The following PARP14 variants were observed in gnomAD, a reference collection of about 807,000 sequenced individuals.
PARP14 encodes poly(ADP-ribose) polymerase family member 14.
In PARP14, 59 loss-of-function variants were observed where a neutral mutation model predicts 154.2. That is an observed-to-expected ratio of 0.38 (90% CI 0.31 to 0.48). PARP14 has a LOEUF of 0.48. PARP14 is among the 20% of genes least tolerant of loss of function. PARP14 has a pLI of 0.98. For synonymous variants in PARP14, 720 were observed against 780.5 expected (o/e 0.92, Z 1.29); for missense variants, 1,734 against 2,131.6 (o/e 0.81, Z 3.67).
rs779817181 is a variant in PARP14, at chr3:122,680,854, C to T, written c.-30C>T. Reference sequence around the variant, plus strand: ...TTAGCGGCCCGGAGTTGGCGCGGCCCCTGCAGTCCGGCGGAGAGCGGAGCT... The same window carrying T: ...TTAGCGGCCCGGAGTTGGCGCGGCCTCTGCAGTCCGGCGGAGAGCGGAGCT... On this transcript the variant is annotated 5_prime_UTR_variant, in exon 1 of 17. Coordinates refer to ENST00000474629, the MANE Select transcript of PARP14 (RefSeq NM_017554.3). The T allele has an allele frequency of 4.5e-6, 7 of 1,558,780 alleles. No homozygotes were observed. Among genetic ancestry groups the T allele is most frequent in the African/African-American group, 2.7e-5 (2 of 73,052 alleles).
At position 122,708,209 on chromosome 3, in the gene PARP14, C is replaced by A; in HGVS notation, c.3560C>A (p.Ala1187Asp). Reference protein sequence around the residue: ...ENIQAFSDEFARRANGNLVSD... With the variant: ...ENIQAFSDEFDRRANGNLVSD... ...TTTCAGGCATTTTCAGATGAATTTG[C>A]CAGAAGGGCTAATGGAAATCTCGTC... The change falls in exon 9 of 17, where the codon GCC becomes GAC. Residue 1187 changes from alanine (A) to aspartate (D), a missense_variant. This residue lies in a region of PARP14 where 1,646 missense variants were observed against 1,976.0 expected (regional missense o/e 0.83). Transcript: ENST00000474629. 6.4e-7 allele frequency: 1 copy of A among 1,565,258 alleles called. No homozygotes were observed. Among genetic ancestry groups the A allele is most frequent in the Non-Finnish European group, 8.7e-7 (1 of 1,150,252 alleles).
chr3:122,715,647 T>TATC (rs1932979110), intron 12 of PARP14, among the ~76,000 whole-genome samples: 1 of 146,980 alleles, frequency 6.8e-6, no homozygotes, highest in African/African-American at 2.5e-5. Context: ...TCTATCTATC[T>TATC]ATCTATCGAT....
Position 122,718,896 on chromosome 3 carries a change from C to T in PARP14, c.4745C>T (p.Thr1582Ile). Residue 1582 changes from threonine (T) to isoleucine (I), a missense_variant, in exon 14 of 17, where the codon ACA becomes ATA. Around this residue, in one of 2 missense-constraint regions of PARP14, gnomAD observed 1,646 missense variants for 1,976.0 expected, o/e 0.83. Coordinates refer to ENST00000474629, the MANE Select transcript of PARP14 (RefSeq NM_017554.3). ...NHRHYTVNLN[T>I]YTATDTKGHS... ...CGGCACTACACAGTGAACTTGAACA[C>T]ATACACTGCCACAGACACAAAGGGC... 6.2e-7 allele frequency: 1 copy of T among 1,613,470 alleles called. No individual in the cohort carries two copies. The highest frequency in any genetic ancestry group is 8.5e-7 in the Non-Finnish European group (1 of 1,179,588).
rs573974503 is a variant in PARP14, at chr3:122,700,534, G to A, written c.1980G>A (p.Leu660=). The A allele has an allele frequency of 7.5e-6, 12 of 1,600,082 alleles. No homozygotes were observed. In the East Asian group the frequency reaches 9.0e-5, roughly 12 times the overall value. The change falls in exon 6 of 17, where the codon TTG becomes TTA. Residue 660 remains leucine, a synonymous_variant. Transcript: ENST00000474629. The part of the protein sequence containing the change: ...CVKEVNETYK[L]LFNFVEQNMK... ...AAGAAGTAAATGAAACCTATAAATTGCTTTTTAACTTCGTTGAACAAAACA... is the reference window on the plus strand; with the variant it reads ...AAGAAGTAAATGAAACCTATAAATTACTTTTTAACTTCGTTGAACAAAACA...
chr3:122,699,381 C>T lies in PARP14; in HGVS notation c.836-9C>T, dbSNP rs754573900. 2.6e-6 allele frequency: 4 copies of T among 1,552,384 alleles called. No homozygotes were observed. The highest frequency in any genetic ancestry group is 3.5e-6 in the Non-Finnish European group (4 of 1,141,480). ...TGGGCTTACATTATTTTACTTCTTT[C>T]CTTTTAAGTGTTAGACACCATCATG... is the stretch of plus-strand genomic sequence containing the variant. On this transcript the variant is annotated splice_polypyrimidine_tract_variant and intron_variant, in intron 5 of 16. Transcript: ENST00000474629.
chr3:122,716,307 GA>G (rs1383546548), intron 12 of PARP14, among the ~76,000 whole-genome samples: 5 of 152,088 alleles, frequency 3.3e-5, no homozygotes, highest in African/African-American at 1.2e-4. Context: ...CCAATCACGT[GA>G]AAAACATCAC....
intron 9 of PARP14, among the ~76,000 whole-genome samples, chr3:122,712,693 A>G (rs1053067499): frequency 1.3e-5 from 2 of 151,992 alleles, no homozygotes; most frequent in Admixed American, 1.3e-4. Context: ...AGCTGGGACT[A>G]CAGTTGTGCA....
At chr3:122,706,159 C>G (rs896358583) in intron 8 of PARP14, among the ~76,000 whole-genome samples, 1 of 152,188 alleles carries the variant, frequency 6.6e-6, no homozygotes, top group Non-Finnish European at 1.5e-5. Flanking sequence ...CCTCAGCATT[C>G]ATTTTCTTTC....
chr3:122,709,468 G>A (rs1560072258), intron 9 of PARP14, among the ~76,000 whole-genome samples: 1 of 152,146 alleles, frequency 6.6e-6, no homozygotes, highest in African/African-American at 2.4e-5. Context: ...TGGACACTTA[G>A]GTTGGTTCCA....
intron 15 of PARP14, 133 bp downstream of exon 15, chr3:122,720,521 T>C: frequency 2.5e-6 from 2 of 797,666 alleles, no homozygotes. Context: ...TGGTAATTAG[T>C]AGTTCTAGAT....
At chr3:122,702,500 G>A (rs1454862799) in intron 6 of PARP14, among the ~76,000 whole-genome samples, 6 of 152,222 alleles carry the variant, frequency 3.9e-5, no homozygotes, top group South Asian at 2.1e-4. Context: ...GATTAGAGGC[G>A]TGAGCCATCA....
intron 2 of PARP14, among the ~76,000 whole-genome samples, chr3:122,686,487 T>G (rs72962396): frequency 7.0e-6 from 1 of 142,472 alleles, no homozygotes; most frequent in Admixed American, 6.9e-5. Flanking sequence ...TAGAGACTGC[T>G]TTCATCTGTA....
intron 12 of PARP14, among the ~76,000 whole-genome samples, chr3:122,716,782 T>A (rs1003836506): frequency 1.3e-5 from 2 of 152,272 alleles, no homozygotes; most frequent in Middle Eastern, 3.4e-3. Context: ...CTTAACTTCC[T>A]CAAAACTAGG....
Position 122,728,462 on chromosome 3 carries a change from GCCTCCTTCAAAGAACC to G in PARP14, c.5273_5288del (p.Pro1758LeufsTer56). The G allele has an allele frequency of 6.2e-7, 1 of 1,613,914 alleles. No individual in the cohort carries two copies. Among genetic ancestry groups the G allele is most frequent in the Non-Finnish European group, 8.5e-7 (1 of 1,179,860 alleles). On this transcript the variant is annotated frameshift_variant, in exon 17 of 17. Coordinates refer to ENST00000474629, the MANE Select transcript of PARP14 (RefSeq NM_017554.3). LOFTEE classifies it high-confidence loss of function. ...CACATGGAAATCATTCATTAATTGT[GCCTCCTTCAAAGAACC>G]CTCAAAATCCTACTGACCTGTATGA...
rs368083309 is a variant in PARP14, at chr3:122,713,424, G to C, written c.3620G>C (p.Gly1207Ala). 6.9e-4 allele frequency: 1,102 copies of C among 1,606,648 alleles called. 16 individuals carry two copies. In the South Asian group the frequency reaches 0.011, roughly 17 times the overall value. The change falls in exon 10 of 17, where the codon GGT (glycine) becomes GCT (alanine). Residue 1207 changes from glycine to alanine, a missense_variant and splice_region_variant. Gly to Ala is a moderately conservative substitution (Grantham distance 60, BLOSUM62 0). Transcript: ENST00000474629. Reference protein sequence around the residue: ...DKIPKAKDTQGFYGTVSSPDS... With the variant: ...DKIPKAKDTQAFYGTVSSPDS... ...TTGACTTTACTTCTTTTCTTTTCAGGTTTTTATGGGACTGTTTCTAGCCCT... is the reference window on the plus strand; with the variant it reads ...TTGACTTTACTTCTTTTCTTTTCAGCTTTTTATGGGACTGTTTCTAGCCCT...
chr3:122,701,227 G>T lies in PARP14; in HGVS notation c.2673G>T (p.Pro891=), dbSNP rs369759529. The T allele has an allele frequency of 6.2e-7, 1 of 1,613,534 alleles. No homozygotes were observed. The highest frequency in any genetic ancestry group is 1.7e-4 in the Middle Eastern group (1 of 6,060). The change falls in exon 6 of 17, where the codon CCG becomes CCT. Residue 891 remains proline (P), a synonymous_variant. Coordinates refer to ENST00000474629, the MANE Select transcript of PARP14 (RefSeq NM_017554.3). The surrounding 1 kb of genome is among the most constrained non-coding windows in gnomAD (Gnocchi z 4.0). ...VGPRWSGYEA[P]RCVYLLRRAV... is the part of the protein sequence containing the mutation. ...CCCGCTGGAGCGGATATGAGGCCCCGAGGTGTGTGTACCTATTAAGGAGAG... is the reference window on the plus strand; with the variant it reads ...CCCGCTGGAGCGGATATGAGGCCCCTAGGTGTGTGTACCTATTAAGGAGAG...
In PARP14 at chr3:122,713,413, T is replaced by G; in HGVS notation, c.3620-11T>G. On this transcript the variant is annotated splice_polypyrimidine_tract_variant and intron_variant, in intron 9 of 16. Coordinates refer to ENST00000474629, the MANE Select transcript of PARP14 (RefSeq NM_017554.3). Reference sequence around the variant, plus strand: ...TGACTCGGTTATTGACTTTACTTCTTTTCTTTTCAGGTTTTTATGGGACTG... The same window carrying G: ...TGACTCGGTTATTGACTTTACTTCTGTTCTTTTCAGGTTTTTATGGGACTG... The G allele has an allele frequency of 6.2e-7, 1 of 1,605,260 alleles. No homozygotes were observed. Among genetic ancestry groups the G allele is most frequent in the Non-Finnish European group, 8.5e-7 (1 of 1,174,424 alleles).
chr3:122,710,372 T>G (rs1246756628), intron 9 of PARP14, among the ~76,000 whole-genome samples: 2 of 152,168 alleles, frequency 1.3e-5, no homozygotes, highest in Non-Finnish European at 2.9e-5. Flanking sequence ...GTTTTAAGTA[T>G]TTGACTTTAT....
chr3:122,685,420 C>A, intron 2 of PARP14, 102 bp downstream of exon 2: 1 of 1,072,744 alleles, frequency 9.3e-7, no homozygotes, highest in Non-Finnish European at 1.4e-6. Flanking sequence ...AAGCATGAAG[C>A]AAACTGCAGC....
Sources: allele counts gnomAD v4.1 joint callset (sites outside exome capture counted in the v4.1 genomes callset), GRCh38; gene constraint gnomAD v4.1.1; regional missense constraint gnomAD v4.1.1; non-coding constraint Gnocchi (gnomAD v3.1); transcripts MANE v1.5; gene names NCBI Gene and HGNC (gene_info 2026-07-23, HGNC 2026-07-21).